ARHGAP15: variants seen among roughly 807,000 people sequenced by gnomAD.
ARHGAP15 encodes rho GTPase-activating protein 15.
ARHGAP15 carries 51 observed loss-of-function variants against 63.7 expected under a neutral mutation model. That is an observed-to-expected ratio of 0.80 (90% CI 0.64 to 1.01). The LOEUF (loss-of-function observed/expected upper bound fraction) is 1.01, where lower values mean the gene tolerates loss of function less well. Ranked by LOEUF, ARHGAP15 falls within the 50% of genes least tolerant of loss-of-function variation. The probability of loss-of-function intolerance (pLI) is 0.00; values close to 1 mark genes in which losing one functional copy is unlikely to be tolerated. For synonymous variants in ARHGAP15, 191 were observed against 193.8 expected, an observed-to-expected ratio of 0.99 and a Z score of 0.12; for missense variants, 560 against 564.6, an observed-to-expected ratio of 0.99 and a Z score of 0.08.
intron 6 of ARHGAP15, among the ~76,000 whole-genome samples, chr2:143,388,218 C>T (rs1200823186): frequency 2.0e-5 from 3 of 152,028 alleles, no homozygotes; most frequent in African/African-American, 7.3e-5. Flanking sequence ...ATTACATGAA[C>T]TTATGAAATA....
chr2:143,648,200 A>G (rs537645664), intron 12 of ARHGAP15, among the ~76,000 whole-genome samples: 23 of 152,212 alleles, frequency 1.5e-4, no homozygotes, highest in East Asian at 1.4e-3. Context: ...CTCGAGTTCT[A>G]TAATTTAAAC....
chr2:143,271,499 G>T (rs1681278049), intron 6 of ARHGAP15, among the ~76,000 whole-genome samples: 2 of 152,146 alleles, frequency 1.3e-5, no homozygotes. Flanking sequence ...TTGTTGAGAC[G>T]GAGTCTCGCT....
At chr2:143,163,499 A>C (rs1482347151) in intron 2 of ARHGAP15, among the ~76,000 whole-genome samples, 2 of 151,870 alleles carry the variant, frequency 1.3e-5, no homozygotes, top group African/African-American at 4.8e-5. Context: ...TTTATGTTCC[A>C]GGAGAAAATA....
chr2:143,142,736 A>C (rs886416702), intron 1 of ARHGAP15, among the ~76,000 whole-genome samples: 9 of 152,178 alleles, frequency 5.9e-5, no homozygotes, highest in Non-Finnish European at 1.0e-4. Flanking sequence ...CACACACACA[A>C]AAACACACAC....
At chr2:143,626,188 A>AG (rs1698828313) in intron 12 of ARHGAP15, among the ~76,000 whole-genome samples, 1 of 152,222 alleles carries the variant, frequency 6.6e-6, no homozygotes, top group African/African-American at 2.4e-5. Context: ...AACACCTATA[A>AG]AATGGGTTAT....
chr2:143,245,830 T>C (rs922107757), intron 5 of ARHGAP15, among the ~76,000 whole-genome samples: 1 of 152,188 alleles, frequency 6.6e-6, no homozygotes, highest in African/African-American at 2.4e-5. Context: ...GGACATGCCT[T>C]GTGAGTCCTT....
At position 143,552,884 on chromosome 2, in the gene ARHGAP15, C is replaced by A. The variant is rs530966128; in HGVS notation, c.926-3524C>A. Among the ~76,000 whole-genome samples the A allele has an allele frequency of 1.1e-4, 16 of 152,280 alleles. No homozygotes were observed. The South Asian group carries it at 3.1e-3, about 30-fold the overall frequency. On this transcript the variant is annotated intron_variant, in intron 10 of 13. Coordinates refer to ENST00000295095, the MANE Select transcript of ARHGAP15 (RefSeq NM_018460.4). ...ACCTCTCAAAGCGATTTTTCACCAA[C>A]CTTCTCCAAAGCACAAAAGAGGTAC...
chr2:143,555,828 A>C (rs1263257254), intron 10 of ARHGAP15, among the ~76,000 whole-genome samples: 1 of 151,732 alleles, frequency 6.6e-6, no homozygotes, highest in Non-Finnish European at 1.5e-5. Context: ...ATCAGATCAA[A>C]ATATGTTATT....
intron 6 of ARHGAP15, among the ~76,000 whole-genome samples, chr2:143,276,174 T>A (rs903201278): frequency 1.3e-5 from 2 of 152,238 alleles, no homozygotes; most frequent in Non-Finnish European, 2.9e-5. Flanking sequence ...TCAGTAAGCA[T>A]GAATAATGTT....
At chr2:143,634,507 T>G (rs1242817250) in intron 12 of ARHGAP15, among the ~76,000 whole-genome samples, 1 of 152,144 alleles carries the variant, frequency 6.6e-6, no homozygotes, top group East Asian at 1.9e-4. Flanking sequence ...CAGTATCAAG[T>G]TCACTGGTAT....
chr2:143,385,669 A>G (rs1687255510), intron 6 of ARHGAP15, among the ~76,000 whole-genome samples: 1 of 152,138 alleles, frequency 6.6e-6, no homozygotes, highest in Non-Finnish European at 1.5e-5. Context: ...CTGTAATATA[A>G]CTTTCCAACT....
At chr2:143,368,870 T>TTGATG (rs769523137) in intron 6 of ARHGAP15, among the ~76,000 whole-genome samples, 59 of 152,108 alleles carry the variant, frequency 3.9e-4, no homozygotes, top group Non-Finnish European at 7.4e-4. Flanking sequence ...CCAGTTTGCA[T>TTGATG]TGATGATTAG....
chr2:143,566,242 A>G (rs971763753), intron 11 of ARHGAP15, among the ~76,000 whole-genome samples: 4 of 152,092 alleles, frequency 2.6e-5, no homozygotes, highest in African/African-American at 9.7e-5. Context: ...CCCACTGGAG[A>G]GGTGGTGGAA....
intron 6 of ARHGAP15, among the ~76,000 whole-genome samples, chr2:143,426,616 G>T (rs1440705903): frequency 6.6e-6 from 1 of 152,114 alleles, no homozygotes; most frequent in African/African-American, 2.4e-5. Context: ...AACAACACAA[G>T]GTGGGCAAGC....
chr2:143,264,136 C>A (rs910857029), intron 6 of ARHGAP15, among the ~76,000 whole-genome samples: 1 of 151,650 alleles, frequency 6.6e-6, no homozygotes, highest in Non-Finnish European at 1.5e-5. Flanking sequence ...TCCCTCTAGA[C>A]CTGTTTAGGC....
intron 11 of ARHGAP15, among the ~76,000 whole-genome samples, chr2:143,558,943 T>C (rs531689806): frequency 1.3e-5 from 2 of 152,288 alleles, no homozygotes; most frequent in East Asian, 3.9e-4. Context: ...ACAATTACTC[T>C]CTTTCCTGGG....
chr2:143,585,424 C>A (rs147504972), intron 11 of ARHGAP15, among the ~76,000 whole-genome samples: 1,661 of 151,942 alleles, frequency 0.011, 29 homozygotes, highest in African/African-American at 0.038. Flanking sequence ...AAATAAATAT[C>A]TTAATATTTA....
At chr2:143,465,708 T>TAC (rs869173194) in intron 8 of ARHGAP15, among the ~76,000 whole-genome samples, 4 of 104,254 alleles carry the variant, frequency 3.8e-5, no homozygotes, top group African/African-American at 1.4e-4. Context: ...GCAAGAAAAA[T>TAC]AAGTTTTTTT....
intron 8 of ARHGAP15, among the ~76,000 whole-genome samples, chr2:143,454,945 G>C (rs1451960743): frequency 1.3e-5 from 2 of 152,036 alleles, no homozygotes; most frequent in Non-Finnish European, 2.9e-5. Flanking sequence ...TGGAGTTAAA[G>C]AGACTCCAAA....
Sources: gnomAD v4.1 joint callset for allele counts (sites outside exome capture counted in the v4.1 genomes callset) on GRCh38, gnomAD v4.1.1 for gene constraint, MANE v1.5 for transcripts, NCBI Gene and HGNC (gene_info 2026-07-23, HGNC 2026-07-21) for gene names.